Variants in NEGR1 observed in about 807,000 individuals in gnomAD.
NEGR1 encodes neuronal growth regulator 1.
A neutral mutation model predicts 40.9 loss-of-function variants in NEGR1; 10 were observed. The observed-to-expected ratio is 0.24, with a 90% CI of 0.15 to 0.42. NEGR1 has a LOEUF of 0.42. NEGR1 is among the 10% of genes least tolerant of loss of function. The pLI, the probability that NEGR1 is intolerant of heterozygous loss-of-function variation, is 1.00. For missense variants in NEGR1, 352 were observed against 438.9 expected (o/e 0.80, Z 1.77); for synonymous variants, 185 against 166.8 (o/e 1.11, Z -0.84).
chr1:71,679,708 G>A (rs1031871593), intron 4 of NEGR1, among the ~76,000 whole-genome samples: 1 of 152,030 alleles, frequency 6.6e-6, no homozygotes, highest in Non-Finnish European at 1.5e-5. Flanking sequence ...ACAATGGTAA[G>A]AGCCTCTATT....
At chr1:72,051,989 A>T (rs1288013782) in intron 1 of NEGR1, among the ~76,000 whole-genome samples, 1 of 151,326 alleles carries the variant, frequency 6.6e-6, no homozygotes, top group Non-Finnish European at 1.5e-5. Flanking sequence ...AGTTCAAGAG[A>T]TAGAAAACTC....
intron 3 of NEGR1, among the ~76,000 whole-genome samples, chr1:71,734,424 T>C (rs1002155114): frequency 6.6e-6 from 1 of 152,186 alleles, no homozygotes; most frequent in African/African-American, 2.4e-5. Flanking sequence ...TGACTTATTT[T>C]ATATAAAGTG....
intron 2 of NEGR1, among the ~76,000 whole-genome samples, chr1:71,868,641 A>G (rs578022394): frequency 6.6e-6 from 1 of 152,224 alleles, no homozygotes; most frequent in Admixed American, 6.5e-5. Flanking sequence ...TCTGTTACCA[A>G]CTATCTTTCT....
intron 2 of NEGR1, among the ~76,000 whole-genome samples, chr1:71,825,506 A>T (rs1658586743): frequency 6.6e-6 from 1 of 151,940 alleles, no homozygotes. Context: ...GGTTTTCAAT[A>T]CTACTAGTAT....
intron 1 of NEGR1, among the ~76,000 whole-genome samples, chr1:72,246,826 A>C (rs1443202778): frequency 6.6e-6 from 1 of 152,210 alleles, no homozygotes; most frequent in East Asian, 1.9e-4. Flanking sequence ...CTGCCCTTAC[A>C]AAGGCTTCTT....
intron 4 of NEGR1, among the ~76,000 whole-genome samples, chr1:71,615,925 A>G (rs1347853476): frequency 6.6e-6 from 1 of 152,242 alleles, no homozygotes; most frequent in Non-Finnish European, 1.5e-5. Context: ...AGCTGAGGAT[A>G]GAATGTAATT....
At chr1:71,708,762 C>A (rs1465383528) in intron 3 of NEGR1, among the ~76,000 whole-genome samples, 3 of 152,104 alleles carry the variant, frequency 2.0e-5, no homozygotes, top group African/African-American at 7.2e-5. Flanking sequence ...CCCACAGGTG[C>A]CCAGCATGTG....
At chr1:72,158,490 C>T (rs894338957) in intron 1 of NEGR1, among the ~76,000 whole-genome samples, 19 of 152,066 alleles carry the variant, frequency 1.2e-4, no homozygotes, top group Non-Finnish European at 2.9e-5. Flanking sequence ...GACACAGTGG[C>T]CCAACCAACT....
At chr1:72,198,575 C>A (rs556125794) in intron 1 of NEGR1, among the ~76,000 whole-genome samples, 1 of 152,026 alleles carries the variant, frequency 6.6e-6, no homozygotes, top group Non-Finnish European at 1.5e-5. Flanking sequence ...ATTCCTGATA[C>A]AAGGAGAATG....
intron 1 of NEGR1, among the ~76,000 whole-genome samples, chr1:72,025,057 A>G (rs1251716607): frequency 6.6e-6 from 1 of 152,160 alleles, no homozygotes; most frequent in Non-Finnish European, 1.5e-5. Context: ...TTCAATTTCA[A>G]TTTTCTACAA....
In NEGR1 at chr1:71,640,202, A is replaced by T. The variant is rs1320047490; in HGVS notation, c.668-29056T>A. On this transcript the variant is annotated intron_variant, in intron 4 of 6. Transcript: ENST00000357731. ...ACATGTGAAATGCATTCAACTTGGG[A>T]TTCTCTTTGTTAATGTGTGGCCACA... is the stretch of plus-strand genomic sequence containing the variant. Among the ~76,000 whole-genome samples, 4 of 152,130 alleles carry T rather than the reference A, an allele frequency of 2.6e-5. No individual in the cohort carries two copies. In the East Asian group the frequency reaches 7.8e-4, roughly 30 times the overall value.
chr1:71,919,085 C>T (rs1235631704), intron 2 of NEGR1, among the ~76,000 whole-genome samples: 1 of 152,144 alleles, frequency 6.6e-6, no homozygotes, highest in Non-Finnish European at 1.5e-5. Context: ...ACCTCCACCT[C>T]TACATTCTTC....
At chr1:72,174,218 T>A (rs897420864) in intron 1 of NEGR1, among the ~76,000 whole-genome samples, 1 of 152,116 alleles carries the variant, frequency 6.6e-6, no homozygotes, top group African/African-American at 2.4e-5. Flanking sequence ...CCAAACTGAG[T>A]GGAAAGTACA....
intron 1 of NEGR1, among the ~76,000 whole-genome samples, chr1:71,964,060 C>T (rs1423960877): frequency 6.6e-6 from 1 of 152,108 alleles, no homozygotes; most frequent in African/African-American, 2.4e-5. Context: ...TAAAGTTCTA[C>T]AAAAGTGACA....
chr1:71,949,309 A>G (rs1288123855), intron 1 of NEGR1, among the ~76,000 whole-genome samples: 1 of 152,088 alleles, frequency 6.6e-6, no homozygotes, highest in Non-Finnish European at 1.5e-5. Flanking sequence ...AGACAGGTGT[A>G]ATGGACCCTC....
chr1:71,758,593 C>A (rs1479406556), intron 3 of NEGR1, among the ~76,000 whole-genome samples: 1 of 152,054 alleles, frequency 6.6e-6, no homozygotes. Flanking sequence ...CCAAGAAAAA[C>A]ATAATTTTAA....
At chr1:71,477,383 G>A (rs551136297) in intron 6 of NEGR1, 1 of 152,126 alleles carries the variant, frequency 6.6e-6, no homozygotes, top group African/African-American at 2.4e-5. Context: ...ACAGGGACTG[G>A]TCAAAGGCTG....
intron 6 of NEGR1, among the ~76,000 whole-genome samples, chr1:71,584,403 G>A (rs982372981): frequency 1.8e-4 from 28 of 151,970 alleles, no homozygotes; most frequent in African/African-American, 3.4e-4. Flanking sequence ...TTACTTTTTC[G>A]TTTAGTGGAG....
At chr1:72,060,159 T>C (rs1029415118) in intron 1 of NEGR1, among the ~76,000 whole-genome samples, 1 of 151,694 alleles carries the variant, frequency 6.6e-6, no homozygotes, top group African/African-American at 2.4e-5. Context: ...GTCAATAGCA[T>C]TTCCAAAATA....
Sources: allele counts gnomAD v4.1 joint callset (sites outside exome capture counted in the v4.1 genomes callset), GRCh38; gene constraint gnomAD v4.1.1; transcripts MANE v1.5; gene names NCBI Gene and HGNC (gene_info 2026-07-23, HGNC 2026-07-21).